Variants in HMG20A observed in about 807,000 individuals in gnomAD.
The protein encoded by HMG20A is high mobility group protein 20A.
A neutral mutation model predicts 43.9 loss-of-function variants in HMG20A; 17 were observed. The observed-to-expected ratio is 0.39, with a 90% CI of 0.27 to 0.58. The LOEUF (loss-of-function observed/expected upper bound fraction) is 0.58, where lower values mean the gene tolerates loss of function less well. Ranked by LOEUF, HMG20A falls within the 20% of genes least tolerant of loss-of-function variation. The pLI, the probability that HMG20A is intolerant of heterozygous loss-of-function variation, is 0.59. For missense variants in HMG20A, 341 were observed against 438.2 expected, an observed-to-expected ratio of 0.78 and a Z score of 1.98; for synonymous variants, 132 against 147.5, an observed-to-expected ratio of 0.89 and a Z score of 0.76.
At chr15:77,461,806 C>T (rs1409069430) in intron 2 of HMG20A, among the ~76,000 whole-genome samples, 1 of 152,092 alleles carries the variant, frequency 6.6e-6, no homozygotes, top group Non-Finnish European at 1.5e-5. Flanking sequence ...GAATTAGTAA[C>T]TTAAAAATTG....
At chr15:77,494,112 T>C in the HMG20A span, among the ~76,000 whole-genome samples, 1 of 150,924 alleles carries the variant, frequency 6.6e-6, no homozygotes, top group Non-Finnish European at 1.5e-5. Flanking sequence ...CACTGTTTTA[T>C]TCTTTGCCCT....
intron 1 of HMG20A, among the ~76,000 whole-genome samples, chr15:77,424,696 A>G (rs890431954): frequency 6.6e-6 from 1 of 152,210 alleles, no homozygotes; most frequent in Non-Finnish European, 1.5e-5. Context: ...GCATGCTCAC[A>G]CAGTTGTCAA....
At chr15:77,511,364 A>G in the HMG20A span, among the ~76,000 whole-genome samples, 2 of 152,188 alleles carry the variant, frequency 1.3e-5, no homozygotes, top group Non-Finnish European at 2.9e-5. Flanking sequence ...TAAATGAGCA[A>G]ATCTACAGCC....
chr15:77,505,232 C>T, the HMG20A span, among the ~76,000 whole-genome samples: 2 of 152,358 alleles, frequency 1.3e-5, no homozygotes, highest in Admixed American at 1.3e-4. Context: ...GTTGGGACGT[C>T]CACTCTGAGG....
At chr15:77,438,978 A>G (rs185820536) in intron 1 of HMG20A, among the ~76,000 whole-genome samples, 1 of 152,226 alleles carries the variant, frequency 6.6e-6, no homozygotes, top group Admixed American at 6.5e-5. Flanking sequence ...TTTTTTTAGT[A>G]GAGACGGGGT....
At chr15:77,513,732 C>CTT in the HMG20A span, among the ~76,000 whole-genome samples, 34,200 of 143,008 alleles carry the variant, frequency 0.24, 4,712 homozygotes, top group Non-Finnish European at 0.32. Flanking sequence ...TCACTACCTC[C>CTT]TTTTTTTTTT....
chr15:77,488,790 A>T (rs1234870249), downstream of HMG20A, among the ~76,000 whole-genome samples: 1 of 152,226 alleles, frequency 6.6e-6, no homozygotes, highest in African/African-American at 2.4e-5. Context: ...AAAATGAGAA[A>T]CTATCAGAAT....
At chr15:77,448,209 T>G (rs2073696493) in intron 1 of HMG20A, among the ~76,000 whole-genome samples, 1 of 152,220 alleles carries the variant, frequency 6.6e-6, no homozygotes, top group Non-Finnish European at 1.5e-5. Flanking sequence ...CTTCATTCAG[T>G]CTGTTCTTAA....
chr15:77,507,575 C>A, the HMG20A span, among the ~76,000 whole-genome samples: 1 of 152,308 alleles, frequency 6.6e-6, no homozygotes, highest in East Asian at 1.9e-4. Flanking sequence ...GAAGCCAAGC[C>A]AGGGTGTGGC....
At chr15:77,496,232 G>T in the HMG20A span, among the ~76,000 whole-genome samples, 1 of 152,170 alleles carries the variant, frequency 6.6e-6, no homozygotes, top group East Asian at 1.9e-4. Context: ...ATTGATTCTA[G>T]GTGATGTTAA....
chr15:77,487,357 C>G (rs2072950913), downstream of HMG20A, among the ~76,000 whole-genome samples: 1 of 152,180 alleles, frequency 6.6e-6, no homozygotes, highest in African/African-American at 2.4e-5. Context: ...TGTGTGACTT[C>G]ATTTATGCAC....
intron 1 of HMG20A, among the ~76,000 whole-genome samples, chr15:77,424,715 T>A (rs2073407390): frequency 6.6e-6 from 1 of 152,140 alleles, no homozygotes; most frequent in Admixed American, 6.6e-5. Context: ...AAGATTTAAT[T>A]TTTTTTCCTT....
intron 1 of HMG20A, among the ~76,000 whole-genome samples, chr15:77,451,907 A>G (rs2072606970): frequency 6.6e-6 from 1 of 152,204 alleles, no homozygotes; most frequent in South Asian, 2.1e-4. Context: ...TCCAATACAG[A>G]ATATACATCA....
At chr15:77,511,335 G>A in the HMG20A span, among the ~76,000 whole-genome samples, 1 of 152,242 alleles carries the variant, frequency 6.6e-6, no homozygotes, top group East Asian at 1.9e-4. Flanking sequence ...GAAGGTCTGG[G>A]AGCAACAAGC....
the HMG20A span, among the ~76,000 whole-genome samples, chr15:77,504,077 A>T: frequency 2.6e-5 from 4 of 152,372 alleles, no homozygotes; most frequent in Admixed American, 6.5e-5. Flanking sequence ...ATAGGGAAAA[A>T]AATATCTTTA....
At chr15:77,435,961 C>T (rs2073543190) in intron 1 of HMG20A, among the ~76,000 whole-genome samples, 1 of 152,104 alleles carries the variant, frequency 6.6e-6, no homozygotes, top group Admixed American at 6.5e-5. Flanking sequence ...TCCTTTTAAC[C>T]TATTATCTCT....
chr15:77,471,420 C>T (rs1243144658), intron 5 of HMG20A, among the ~76,000 whole-genome samples: 1 of 152,218 alleles, frequency 6.6e-6, no homozygotes, highest in Non-Finnish European at 1.5e-5. Context: ...GCACCATCCA[C>T]AACTAGCCTA....
intron 9 of HMG20A, 180 bp downstream of exon 9, chr15:77,479,501 T>C (rs1403972101): frequency 3.4e-6 from 2 of 581,886 alleles, no homozygotes; most frequent in Non-Finnish European, 5.8e-6. Flanking sequence ...AGAGAATCAC[T>C]GTAGTCCCAG....
At chr15:77,509,508 G>A in the HMG20A span, among the ~76,000 whole-genome samples, 2 of 151,152 alleles carry the variant, frequency 1.3e-5, no homozygotes, top group Admixed American at 6.6e-5. Context: ...GCCTGGCCTC[G>A]GCCTCTCAAA....
Sources: gnomAD v4.1 joint callset for allele counts (sites outside exome capture counted in the v4.1 genomes callset) on GRCh38, gnomAD v4.1.1 for gene constraint, MANE v1.5 for transcripts, NCBI Gene and HGNC (gene_info 2026-07-23, HGNC 2026-07-21) for gene names.